Variants in ERMAP observed in about 807,000 individuals in gnomAD.
ERMAP encodes erythroid membrane-associated protein.
ERMAP carries 34 observed loss-of-function variants against 49.5 expected under a neutral mutation model. The observed-to-expected ratio is 0.69, with a 90% CI of 0.52 to 0.91. ERMAP has a LOEUF of 0.91. ERMAP is among the 40% of genes least tolerant of loss of function. The pLI is 0.00. For synonymous variants in ERMAP, 214 were observed against 232.2 expected (o/e 0.92, Z 0.71); for missense variants, 541 against 582.6 (o/e 0.93, Z 0.74).
At position 42,842,620 on chromosome 1, in the gene ERMAP, C is replaced by T. The variant is rs1294930512; in HGVS notation, c.816C>T (p.Asn272=). 2 of 1,614,158 alleles carry T rather than the reference C, an allele frequency of 1.2e-6. No homozygotes were observed. The highest frequency in any genetic ancestry group is 2.2e-5 in the South Asian group (2 of 91,080). ...ACAGACGGCAGCCTGTACCTGACAA[C>T]CCCCAGAGATTTGATTTCGTTGTCA... ...LGDRRQPVPD[N]PQRFDFVVSI... is the part of the protein sequence containing the mutation. The change falls in exon 12 of 12, where the codon AAC becomes AAT. Residue 272 remains asparagine (N), a synonymous_variant. Transcript: ENST00000372517.
chr1:42,834,691 G>T (rs931693555), intron 4 of ERMAP: 7 of 235,146 alleles, frequency 3.0e-5, no homozygotes, highest in African/African-American at 1.6e-4. Flanking sequence ...GAAGAGCTGG[G>T]ATTACAGGTG....
intron 1 of ERMAP, among the ~76,000 whole-genome samples, chr1:42,822,996 T>C (rs545375070): frequency 6.6e-6 from 1 of 152,366 alleles, no homozygotes; most frequent in African/African-American, 2.4e-5. Flanking sequence ...TCTGGCTTAA[T>C]AGAAGACAGC....
At chr1:42,824,039 C>T (rs1472338878) in intron 1 of ERMAP, among the ~76,000 whole-genome samples, 1 of 152,162 alleles carries the variant, frequency 6.6e-6, no homozygotes, top group Non-Finnish European at 1.5e-5. Flanking sequence ...CAGGAAATAC[C>T]TATCAAGAAT....
chr1:42,840,347 T>A, intron 11 of ERMAP, 51 bp downstream of exon 11: 1 of 1,611,266 alleles, frequency 6.2e-7, no homozygotes, highest in Non-Finnish European at 8.5e-7. Flanking sequence ...TTCCTCCTTA[T>A]GGCTTTGTAA....
At position 42,838,916 on chromosome 1, in the gene ERMAP, C is replaced by T; in HGVS notation, c.632C>T (p.Ala211Val). The T allele has an allele frequency of 1.2e-6, 2 of 1,614,190 alleles. No homozygotes were observed. The highest frequency in any genetic ancestry group is 1.7e-6 in the Non-Finnish European group (2 of 1,180,020). The part of the protein sequence containing the change: ...HAKEKGKLHK[A>V]VKKLRSELKL... ...TGGTTTTTAGGAAAACTCCATAAAG[C>T]TGTCAGTAAGTTTTGCTCCTCATCC... Residue 211 changes from alanine to valine, a missense_variant, in exon 8 of 12, where the codon GCT (alanine) becomes GTT (valine). Ala to Val is a moderately conservative substitution (Grantham distance 64, BLOSUM62 0). Coordinates refer to ENST00000372517, the MANE Select transcript of ERMAP (RefSeq NM_001017922.2).
chr1:42,819,425 A>G lies in ERMAP; in HGVS notation c.-122+2172A>G, dbSNP rs973955324. On this transcript the variant is annotated intron_variant, in intron 1 of 11. Coordinates refer to ENST00000372517, the MANE Select transcript of ERMAP (RefSeq NM_001017922.2). The surrounding 1 kb of genome is among the most constrained non-coding windows in gnomAD (Gnocchi z 5.1). ...TGAACACTGTCAAAGTCCCCTCTCT[A>G]TTCTTTCCATGAGTTTATGCTTTGT... is the stretch of plus-strand genomic sequence containing the variant. Among the ~76,000 whole-genome samples, 4 of 151,928 alleles carry G rather than the reference A, an allele frequency of 2.6e-5. No homozygotes were observed. The highest frequency in any genetic ancestry group is 9.7e-5 in the African/African-American group (4 of 41,390).
intron 1 of ERMAP, among the ~76,000 whole-genome samples, chr1:42,822,620 G>A (rs1351794293): frequency 6.6e-6 from 1 of 152,082 alleles, no homozygotes; most frequent in East Asian, 1.9e-4. Context: ...TGTGTTTTGG[G>A]GACATTCAGT....
rs367645800 is a variant in ERMAP at position 42,838,856 on chromosome 1, G to C, written c.617-45G>C. 88 of 1,612,858 alleles carry C rather than the reference G, an allele frequency of 5.5e-5. No individual in the cohort carries two copies. In the African/African-American group the frequency reaches 9.6e-4, roughly 18 times the overall value. On this transcript the variant is annotated intron_variant, in intron 7 of 11. Transcript: ENST00000372517. The stretch of plus-strand genomic sequence containing the variant: ...GCTGCCACAGCTCTGAGGAAAAAGA[G>C]GCAGGATCTGATCACTCACTCTTCT...
intron 6 of ERMAP, 117 bp from the exon 7 acceptor site, chr1:42,837,040 AG>A (rs756769995): frequency 6.1e-5 from 60 of 982,256 alleles, no homozygotes; most frequent in Non-Finnish European, 9.5e-5. Flanking sequence ...AGACCGGATC[AG>A]GGAGGTGGAG....
rs1654715288 is a variant in ERMAP at position 42,831,045 on chromosome 1, A to G, written c.363A>G (p.Gln121=). 1 of 1,614,134 alleles carries G rather than the reference A, an allele frequency of 6.2e-7. No individual in the cohort carries two copies. Among genetic ancestry groups the G allele is most frequent in the African/African-American group, 1.3e-5 (1 of 74,942 alleles). The change falls in exon 4 of 12, where the codon CAA becomes CAG. Residue 121 remains glutamine, a synonymous_variant. Coordinates refer to ENST00000372517, the MANE Select transcript of ERMAP (RefSeq NM_001017922.2). Reference sequence around the variant, plus strand: ...TCCTTGACGTGCGCCTTGAGGACCAAGGGTCTTACCGATGTCTGATCCAAG... The same window carrying G: ...TCCTTGACGTGCGCCTTGAGGACCAGGGGTCTTACCGATGTCTGATCCAAG... ...LQILDVRLED[Q]GSYRCLIQVG... is the part of the protein sequence containing the mutation.
intron 1 of ERMAP, among the ~76,000 whole-genome samples, chr1:42,822,733 A>G (rs1654435873): frequency 6.6e-6 from 1 of 152,128 alleles, no homozygotes; most frequent in Non-Finnish European, 1.5e-5. Flanking sequence ...CCTAGCTGTA[A>G]TTTTGTGTTA....
At chr1:42,827,719 C>G (rs906337044) in intron 2 of ERMAP, among the ~76,000 whole-genome samples, 2 of 152,122 alleles carry the variant, frequency 1.3e-5, no homozygotes, top group Admixed American at 6.5e-5. Flanking sequence ...TAAAGGAGTT[C>G]CATGATAATC....
rs376310520 is a variant in ERMAP, at chr1:42,830,796, C to T, written c.114C>T (p.His38=). 7.0e-6 allele frequency: 11 copies of T among 1,561,936 alleles called. No individual in the cohort carries two copies. The highest frequency in any genetic ancestry group is 2.4e-5 in the East Asian group (1 of 41,788). Residue 38 remains histidine (H), a synonymous_variant, in exon 4 of 12, where the codon CAC becomes CAT. Coordinates refer to ENST00000372517, the MANE Select transcript of ERMAP (RefSeq NM_001017922.2). ...SGHAGDAGKF[H]VALLGGTAEL... ...ACGCAGGGGATGCCGGCAAGTTCCA[C>T]GTGGCCCTACTAGGGGGCACAGCCG...
chr1:42,844,195 T>G lies in ERMAP; in HGVS notation c.*963T>G. 1 of 398,528 alleles carries G rather than the reference T, an allele frequency of 2.5e-6. No homozygotes were observed. The highest frequency in any genetic ancestry group is 4.4e-6 in the Non-Finnish European group (1 of 226,010). 24.7% of individuals were successfully genotyped at this position (398,528 alleles called of 1,614,324 possible). Reference sequence around the variant, plus strand: ...AGTATTTGTGTAGCAAACAGCCTCTTAGGTTGGAGAGTATTGATTTCAAAT... The same window carrying G: ...AGTATTTGTGTAGCAAACAGCCTCTGAGGTTGGAGAGTATTGATTTCAAAT... On this transcript the variant is annotated 3_prime_UTR_variant, in exon 12 of 12. Transcript: ENST00000372517. The surrounding 1 kb of genome is among the most constrained non-coding windows in gnomAD (Gnocchi z 4.0).
chr1:42,824,092 C>G (rs1396901407), intron 1 of ERMAP, among the ~76,000 whole-genome samples: 1 of 152,130 alleles, frequency 6.6e-6, no homozygotes, highest in Admixed American at 6.6e-5. Context: ...CGCCTGTAAT[C>G]CCAGCACTTT....
intron 1 of ERMAP, chr1:42,817,638 G>A (rs1654283724): frequency 1.3e-5 from 2 of 153,264 alleles, no homozygotes; most frequent in African/African-American, 4.9e-5. Flanking sequence ...ATTGATGATT[G>A]CCACCTTCTT....
Position 42,844,117 on chromosome 1 carries a change from C to G in ERMAP, c.*885C>G. Reference sequence around the variant, plus strand: ...AGCTAGAAAAAGTGGCAGTTTTAACCACCAACGTAGAAGCTTTTTTTTCCC... The same window carrying G: ...AGCTAGAAAAAGTGGCAGTTTTAACGACCAACGTAGAAGCTTTTTTTTCCC... On this transcript the variant is annotated 3_prime_UTR_variant, in exon 12 of 12. Transcript: ENST00000372517. The surrounding 1 kb of genome is among the most constrained non-coding windows in gnomAD (Gnocchi z 4.0). 2.5e-6 allele frequency: 1 copy of G among 398,632 alleles called. No individual in the cohort carries two copies. Among genetic ancestry groups the G allele is most frequent in the Non-Finnish European group, 4.4e-6 (1 of 226,080 alleles). The allele number at this position is 398,632 out of a possible 1,614,324, so 24.7% of individuals were successfully genotyped here. A position where few individuals can be genotyped will look rare whatever the true frequency, so the allele number is the denominator to read the frequency against.
rs1234338746 is a variant in ERMAP, at chr1:42,819,181, G to T, written c.-122+1928G>T. Among the ~76,000 whole-genome samples the T allele has an allele frequency of 7.1e-6, 1 of 140,678 alleles. No homozygotes were observed. Among genetic ancestry groups the T allele is most frequent in the Non-Finnish European group, 1.6e-5 (1 of 62,428 alleles). 92.3% of individuals were successfully genotyped at this position (140,678 alleles called of 152,430 possible). ...GGATAAGTTAGGAGCGTGTGTGTGTGTGTGTGTGTGTGTGTGTGTGTGTGT... is the reference window on the plus strand; with the variant it reads ...GGATAAGTTAGGAGCGTGTGTGTGTTTGTGTGTGTGTGTGTGTGTGTGTGT... On this transcript the variant is annotated intron_variant, in intron 1 of 11. Coordinates refer to ENST00000372517, the MANE Select transcript of ERMAP (RefSeq NM_001017922.2). The surrounding 1 kb of genome is among the most constrained non-coding windows in gnomAD (Gnocchi z 5.1).
intron 2 of ERMAP, among the ~76,000 whole-genome samples, chr1:42,829,244 T>G (rs1654642656): frequency 6.6e-6 from 1 of 152,202 alleles, no homozygotes; most frequent in Non-Finnish European, 1.5e-5. Flanking sequence ...TAAACCAGTG[T>G]GCTTTTTGCC....
Sources: allele counts gnomAD v4.1 joint callset (sites outside exome capture counted in the v4.1 genomes callset), GRCh38; gene constraint gnomAD v4.1.1; non-coding constraint Gnocchi (gnomAD v3.1); transcripts MANE v1.5; gene names NCBI Gene and HGNC (gene_info 2026-07-23, HGNC 2026-07-21).